The following DYNC2I1 variants were observed in gnomAD, a reference collection of about 807,000 sequenced individuals.
DYNC2I1 encodes the protein dynein 2 intermediate chain 1.
DYNC2I1 carries 89 observed loss-of-function variants against 133.4 expected under a neutral mutation model. The ratio of observed to expected loss-of-function variants is 0.67; its 90% confidence interval spans 0.56 to 0.80. The LOEUF is 0.80. Ranked by LOEUF, DYNC2I1 falls within the 30% of genes least tolerant of loss-of-function variation. The pLI is 0.00. For missense variants in DYNC2I1, 1,291 were observed against 1,314.5 expected (o/e 0.98, Z 0.28); for synonymous variants, 504 against 484.3 (o/e 1.04, Z -0.54).
rs1224600077 is a variant in DYNC2I1 at position 158,934,403 on chromosome 7, GCTT to G, written c.2647-7_2647-5del. The G allele has an allele frequency of 3.1e-6, 5 of 1,604,674 alleles. No individual in the cohort carries two copies. The highest frequency in any genetic ancestry group is 2.2e-5 in the East Asian group (1 of 44,736). On this transcript the variant is annotated splice_polypyrimidine_tract_variant and intron_variant, in intron 22 of 24. Coordinates refer to ENST00000407559, the MANE Select transcript of DYNC2I1 (RefSeq NM_018051.5). ...AATGCACTCGTTCAGTCACTCTTGG[GCTT>G]CTTCTTCACAGGGTCTCATAAGCCA...
intron 15 of DYNC2I1, among the ~76,000 whole-genome samples, chr7:158,919,407 GT>G (rs1297631722): frequency 1.3e-5 from 2 of 152,356 alleles, no homozygotes; most frequent in South Asian, 2.1e-4. Flanking sequence ...GCATGTAACT[GT>G]TTAATCAGTT....
intron 13 of DYNC2I1, 21 bp from the exon 14 acceptor site, chr7:158,914,212 T>C (rs1338562785): frequency 6.3e-7 from 1 of 1,594,596 alleles, no homozygotes; most frequent in Middle Eastern, 1.7e-4. Context: ...TCGTTGATTT[T>C]ATATAAACTG....
intron 1 of DYNC2I1, among the ~76,000 whole-genome samples, chr7:158,860,704 T>G (rs1458989780): frequency 1.3e-5 from 2 of 152,224 alleles, no homozygotes; most frequent in Non-Finnish European, 2.9e-5. Flanking sequence ...AGGTAATGTG[T>G]GAGTTTATTG....
upstream of DYNC2I1, among the ~76,000 whole-genome samples, chr7:158,853,656 T>A (rs1584913840): frequency 1.5e-5 from 1 of 68,190 alleles, no homozygotes; most frequent in African/African-American, 9.9e-5. Context: ...AGACCAGAGG[T>A]TTTTTTTTTT....
intron 20 of DYNC2I1, among the ~76,000 whole-genome samples, chr7:158,928,131 C>G (rs1171639227): frequency 1.3e-5 from 2 of 152,170 alleles, no homozygotes; most frequent in Non-Finnish European, 2.9e-5. Context: ...GCAGAAGTGA[C>G]TTGAAGCAAA....
chr7:158,941,019 C>T (rs1310481080), intron 23 of DYNC2I1, among the ~76,000 whole-genome samples: 1 of 151,954 alleles, frequency 6.6e-6, no homozygotes, highest in African/African-American at 2.4e-5. Flanking sequence ...AAAGAAATTA[C>T]AGAAGATCAA....
intron 10 of DYNC2I1, among the ~76,000 whole-genome samples, chr7:158,905,716 C>T (rs1846726946): frequency 6.6e-6 from 1 of 152,112 alleles, no homozygotes. Flanking sequence ...AGAACTGCAT[C>T]TTTTGTGCAT....
intron 23 of DYNC2I1, among the ~76,000 whole-genome samples, chr7:158,939,068 G>A (rs756278354): frequency 1.1e-4 from 16 of 152,134 alleles, no homozygotes; most frequent in Non-Finnish European, 2.2e-4. Context: ...TTTTTTGTTT[G>A]GTGTTTTCTT....
At chr7:158,940,054 C>T (rs1851183025) in intron 23 of DYNC2I1, among the ~76,000 whole-genome samples, 1 of 152,258 alleles carries the variant, frequency 6.6e-6, no homozygotes, top group South Asian at 2.1e-4. Context: ...TAGGGTACTT[C>T]AGCACCCCAC....
chr7:158,929,628 T>TA (rs1309035474), intron 20 of DYNC2I1, among the ~76,000 whole-genome samples: 2 of 152,266 alleles, frequency 1.3e-5, no homozygotes, highest in East Asian at 1.9e-4. Context: ...TGGCAGGAGA[T>TA]ACGCAGCAGC....
Position 158,871,145 on chromosome 7 carries a change from A to G in DYNC2I1, c.73A>G (p.Ile25Val), listed in dbSNP as rs1024305210. 10 of 1,611,748 alleles carry G rather than the reference A, an allele frequency of 6.2e-6. No individual in the cohort carries two copies. The highest frequency in any genetic ancestry group is 8.5e-6 in the Non-Finnish European group (10 of 1,178,904). ...ACCCTTTGTTCTCTTGTTTCAGGCC[A>G]TACAGTCAGGTGGTTCCAAGGAAGA... ...ADDLRKHLWAIQSGGSKEERK... is the reference protein window; with the variant it reads ...ADDLRKHLWAVQSGGSKEERK... The change falls in exon 3 of 25, where the codon ATA (isoleucine) becomes GTA (valine). Residue 25 changes from isoleucine (I) to valine (V), a missense_variant. Ile to Val is a conservative substitution (Grantham distance 29). Transcript: ENST00000407559.
intron 23 of DYNC2I1, among the ~76,000 whole-genome samples, chr7:158,941,115 A>C (rs989661888): frequency 1.3e-5 from 2 of 152,190 alleles, no homozygotes; most frequent in Non-Finnish European, 2.9e-5. Flanking sequence ...ACCCAAATAA[A>C]ATAAAATCAG....
chr7:158,953,453 G>A (rs1000745005), intron 4 of DYNC2I1, among the ~76,000 whole-genome samples: 5 of 152,236 alleles, frequency 3.3e-5, no homozygotes, highest in Non-Finnish European at 7.3e-5. Flanking sequence ...CATAGTACAA[G>A]GTTCCTGCTC....
downstream of DYNC2I1, among the ~76,000 whole-genome samples, chr7:158,957,063 A>G (rs373684250): frequency 2.5e-4 from 38 of 152,148 alleles, no homozygotes; most frequent in East Asian, 6.8e-3. Context: ...CTGTTGATCT[A>G]TTTCGCTGCT....
At position 158,922,549 on chromosome 7, in the gene DYNC2I1, G is replaced by C; in HGVS notation, c.2094G>C (p.Gln698His). 6.2e-7 allele frequency: 1 copy of C among 1,613,374 alleles called. No homozygotes were observed. Among genetic ancestry groups the C allele is most frequent in the Non-Finnish European group, 8.5e-7 (1 of 1,179,676 alleles). The change falls in exon 16 of 25, where the codon CAG (glutamine) becomes CAC (histidine). Residue 698 changes from glutamine to histidine, a missense_variant and splice_region_variant. By Grantham distance (24) the Gln-to-His change is conservative (BLOSUM62 0). Coordinates refer to ENST00000407559, the MANE Select transcript of DYNC2I1 (RefSeq NM_018051.5). ...GPQKVLICES[Q>H]VTCCCLSPLK... ...AGAAAGTTCTGATATGTGAGTCCCA[G>C]GTACAGCTCAGGATGAGAGTCGCAC...
At chr7:158,890,937 GCTTTTT>G (rs1332351348) in intron 7 of DYNC2I1, among the ~76,000 whole-genome samples, 2 of 152,294 alleles carry the variant, frequency 1.3e-5, no homozygotes, top group East Asian at 3.9e-4. Context: ...CATTTGCAAG[GCTTTTT>G]CTTCATCAGA....
intron 20 of DYNC2I1, among the ~76,000 whole-genome samples, chr7:158,927,408 T>TA (rs71189436): frequency 0.41 from 58,669 of 142,788 alleles, 11,851 homozygotes; most frequent in African/African-American, 0.49. Context: ...GTCTCTCTGT[T>TA]AAAAAAAAAA....
chr7:158,906,205 T>G (rs1846792185), intron 11 of DYNC2I1, 114 bp downstream of exon 11: 2 of 890,118 alleles, frequency 2.2e-6, no homozygotes, highest in Non-Finnish European at 3.5e-6. Context: ...TTTTTTGGGG[T>G]GTATGACTTA....
chr7:158,927,097 T>A, intron 20 of DYNC2I1, 54 bp downstream of exon 20: 1 of 1,330,628 alleles, frequency 7.5e-7, no homozygotes, highest in Non-Finnish European at 1.1e-6. Flanking sequence ...GAATCGAGAT[T>A]AAAAGTACTG....
Sources: gnomAD v4.1 joint callset for allele counts (sites outside exome capture counted in the v4.1 genomes callset) on GRCh38, gnomAD v4.1.1 for gene constraint, MANE v1.5 for transcripts, NCBI Gene and HGNC (gene_info 2026-07-23, HGNC 2026-07-21) for gene names.